Variants in FGF12 observed in about 807,000 individuals in gnomAD.
FGF12 encodes the protein fibroblast growth factor 12B.
FGF12 carries 14 observed loss-of-function variants against 23.6 expected under a neutral mutation model. The ratio of observed to expected loss-of-function variants is 0.59; its 90% CI spans 0.39 to 0.93. The LOEUF (loss-of-function observed/expected upper bound fraction) is 0.93. Among genes scored for constraint, FGF12 ranks in the 40% least tolerant of loss-of-function variants. The pLI, the probability that FGF12 is intolerant of heterozygous loss-of-function variation, is 0.00. For synonymous variants in FGF12, 62 were observed against 77.3 expected, an observed-to-expected ratio of 0.80 and a Z score of 1.04; for missense variants, 175 against 217.8, an observed-to-expected ratio of 0.80 and a Z score of 1.24.
intron 2 of FGF12, among the ~76,000 whole-genome samples, chr3:192,670,828 T>C (rs990643427): frequency 3.3e-5 from 5 of 152,238 alleles, no homozygotes; most frequent in African/African-American, 9.6e-5. Context: ...GAAGGATAGT[T>C]TGAATCTCCT....
intron 2 of FGF12, among the ~76,000 whole-genome samples, chr3:192,495,271 T>TAA (rs1261228445): frequency 6.6e-6 from 1 of 152,214 alleles, no homozygotes; most frequent in African/African-American, 2.4e-5. Flanking sequence ...CATACACATT[T>TAA]ATATCTATGT....
chr3:192,645,200 G>T (rs1419821368), intron 2 of FGF12, among the ~76,000 whole-genome samples: 1 of 151,982 alleles, frequency 6.6e-6, no homozygotes, highest in Non-Finnish European at 1.5e-5. Flanking sequence ...CAGTTGACAT[G>T]GTCAACTATT....
At chr3:192,186,465 C>T (rs1184554594) in intron 4 of FGF12, among the ~76,000 whole-genome samples, 1 of 152,154 alleles carries the variant, frequency 6.6e-6, no homozygotes, top group Admixed American at 6.5e-5. Context: ...AGTAAGCCTA[C>T]TAGAAAGAAG....
chr3:192,189,189 T>C (rs1716649217), intron 4 of FGF12, among the ~76,000 whole-genome samples: 1 of 152,246 alleles, frequency 6.6e-6, no homozygotes, highest in South Asian at 2.1e-4. Flanking sequence ...GGGGCTTTTT[T>C]GATTTCCTTT....
intron 2 of FGF12, among the ~76,000 whole-genome samples, chr3:192,527,524 T>C (rs183534163): frequency 2.0e-4 from 31 of 152,340 alleles, no homozygotes; most frequent in African/African-American, 7.0e-4. Context: ...TATGGTCTTA[T>C]GCAAGTGCAC....
At chr3:192,217,930 G>T (rs1718276619) in intron 4 of FGF12, among the ~76,000 whole-genome samples, 1 of 151,702 alleles carries the variant, frequency 6.6e-6, no homozygotes, top group African/African-American at 2.4e-5. Context: ...TCTGCCTCCT[G>T]GGTTCAAGCA....
At position 192,292,626 on chromosome 3, in the gene FGF12, G is replaced by A. The variant is rs931084346; in HGVS notation, c.228+42735C>T. On this transcript the variant is annotated intron_variant, in intron 4 of 5. Coordinates refer to ENST00000445105, the MANE Select transcript of FGF12 (RefSeq NM_004113.6). ...AAGATATTGAAATAAACATGGCACCGTTAAAAATATTTTAACGGTCTATAC... is the reference window on the plus strand; with the variant it reads ...AAGATATTGAAATAAACATGGCACCATTAAAAATATTTTAACGGTCTATAC... Among the ~76,000 whole-genome samples, 99 of 152,172 alleles carry A rather than the reference G, an allele frequency of 6.5e-4. 1 individual carries two copies. Among genetic ancestry groups the A allele is most frequent in the Middle Eastern group, 3.4e-3 (1 of 294 alleles).
intron 2 of FGF12, among the ~76,000 whole-genome samples, chr3:192,454,278 T>C (rs1722613749): frequency 6.6e-6 from 1 of 152,164 alleles, no homozygotes; most frequent in African/African-American, 2.4e-5. Flanking sequence ...GACCTCGTGA[T>C]CCACCCACCT....
chr3:192,504,806 G>A (rs1432020732), intron 2 of FGF12, among the ~76,000 whole-genome samples: 2 of 152,076 alleles, frequency 1.3e-5, no homozygotes, highest in African/African-American at 4.8e-5. Flanking sequence ...TGGTGAGTTC[G>A]ACGTGTCAAG....
At chr3:192,366,322 G>A (rs73068568) in intron 2 of FGF12, among the ~76,000 whole-genome samples, 10,013 of 152,090 alleles carry the variant, frequency 0.066, 1,111 homozygotes, top group African/African-American at 0.22. Flanking sequence ...TAGGGCCAGC[G>A]TATTCACATA....
At chr3:192,396,645 T>G (rs1720534733) in intron 2 of FGF12, among the ~76,000 whole-genome samples, 1 of 152,314 alleles carries the variant, frequency 6.6e-6, no homozygotes, top group South Asian at 2.1e-4. Context: ...CATATATACC[T>G]TACCAGGTGG....
chr3:192,553,177 A>G lies in FGF12; in HGVS notation c.13+174004T>C, dbSNP rs185521542. Among the ~76,000 whole-genome samples, 11 of 152,282 alleles carry G rather than the reference A, an allele frequency of 7.2e-5. No individual in the cohort carries two copies. The East Asian group carries it at 2.1e-3, about 29-fold the overall frequency. ...CACAGATATGCAAGAAGGAAAGAAG[A>G]AAATTAGAAGTGCTGAATATATGAA... On this transcript the variant is annotated intron_variant, in intron 2 of 5. Transcript: ENST00000445105.
intron 4 of FGF12, among the ~76,000 whole-genome samples, chr3:192,278,735 G>A (rs1713955688): frequency 6.6e-6 from 1 of 152,188 alleles, no homozygotes; most frequent in Non-Finnish European, 1.5e-5. Context: ...AGTCATCACT[G>A]ACCGGACAGA....
intron 4 of FGF12, among the ~76,000 whole-genome samples, chr3:192,221,332 A>T (rs897814229): frequency 6.6e-6 from 1 of 152,200 alleles, no homozygotes; most frequent in African/African-American, 2.4e-5. Context: ...CTTATATGCA[A>T]GCCATTAATC....
At chr3:192,487,124 T>C (rs1194162257) in intron 2 of FGF12, among the ~76,000 whole-genome samples, 1 of 152,088 alleles carries the variant, frequency 6.6e-6, no homozygotes, top group Non-Finnish European at 1.5e-5. Flanking sequence ...TGCTGTGATT[T>C]CATATTTGTC....
chr3:192,253,185 A>G (rs542846506), intron 4 of FGF12, among the ~76,000 whole-genome samples: 2 of 152,246 alleles, frequency 1.3e-5, no homozygotes, highest in African/African-American at 4.8e-5. Context: ...CACCCTCTCA[A>G]TTGCATACTT....
intron 2 of FGF12, among the ~76,000 whole-genome samples, chr3:192,472,306 G>A (rs542938349): frequency 1.7e-4 from 26 of 152,176 alleles, no homozygotes; most frequent in African/African-American, 6.0e-4. Flanking sequence ...ATAAGCCACC[G>A]CACCCAGCCT....
rs187350479 is a variant in FGF12, at chr3:192,575,165, A to G, written c.13+152016T>C. 6.6e-5 allele frequency among the ~76,000 whole-genome samples: 10 copies of G among 152,348 alleles called. No homozygotes were observed. In the East Asian group the frequency reaches 1.9e-3, roughly 29 times the overall value. Reference sequence around the variant, plus strand: ...AACTAATCAATTATGATGGAAAACAAGTAGTGATTGCCTAAGGATGGAGAG... The same window carrying G: ...AACTAATCAATTATGATGGAAAACAGGTAGTGATTGCCTAAGGATGGAGAG... On this transcript the variant is annotated intron_variant, in intron 2 of 5. Coordinates refer to ENST00000445105, the MANE Select transcript of FGF12 (RefSeq NM_004113.6).
At chr3:192,193,477 T>C (rs1052726646) in intron 4 of FGF12, among the ~76,000 whole-genome samples, 7 of 152,198 alleles carry the variant, frequency 4.6e-5, no homozygotes, top group African/African-American at 1.7e-4. Context: ...TCTTTTCCTT[T>C]TAAGTAGGTT....
Sources: allele counts gnomAD v4.1 joint callset (sites outside exome capture counted in the v4.1 genomes callset), GRCh38; gene constraint gnomAD v4.1.1; transcripts MANE v1.5; gene names NCBI Gene and HGNC (gene_info 2026-07-23, HGNC 2026-07-21).